CNTN3: variants seen among roughly 807,000 people sequenced by gnomAD.
The protein encoded by CNTN3 is contactin 3.
A neutral mutation model predicts 119.1 loss-of-function variants in CNTN3; 60 were observed. That is an observed-to-expected ratio of 0.50 (90% CI 0.41 to 0.62). The LOEUF is 0.62. Among genes scored for constraint, CNTN3 ranks in the 20% least tolerant of loss-of-function variants. CNTN3 has a pLI of 0.00. For synonymous variants in CNTN3, 450 were observed against 438.7 expected, an observed-to-expected ratio of 1.03 and a Z score of -0.32; for missense variants, 1,101 against 1,242.4, an observed-to-expected ratio of 0.89 and a Z score of 1.71.
chr3:74,443,854 GT>G (rs1559604554), intron 4 of CNTN3, among the ~76,000 whole-genome samples: 1 of 151,808 alleles, frequency 6.6e-6, no homozygotes, highest in Non-Finnish European at 1.5e-5. Flanking sequence ...TGGTGCATCA[GT>G]TTTCCAGGGC....
intron 3 of CNTN3, among the ~76,000 whole-genome samples, chr3:74,494,541 C>A (rs1703024555): frequency 6.6e-6 from 1 of 152,126 alleles, no homozygotes; most frequent in Non-Finnish European, 1.5e-5. Flanking sequence ...CCATCTTTGT[C>A]ACCTCAAGGC....
intron 5 of CNTN3, among the ~76,000 whole-genome samples, chr3:74,405,522 C>A (rs562292665): frequency 6.6e-6 from 1 of 152,094 alleles, no homozygotes; most frequent in Admixed American, 6.5e-5. Flanking sequence ...CAAATAAATT[C>A]ATTCTTCTAA....
In CNTN3 at chr3:74,478,392, T is replaced by C. The variant is rs572338121; in HGVS notation, c.358+8064A>G. Among the ~76,000 whole-genome samples the C allele has an allele frequency of 1.0e-3, 158 of 152,084 alleles. 1 individual carries two copies. Among genetic ancestry groups the C allele is most frequent in the African/African-American group, 3.6e-3 (150 of 41,494 alleles). ...ACACTAGAAGAGAAGAGGCTTATTCTCAAAAAAGGGTAAGGAGAGGCTGTC... is the reference window on the plus strand; with the variant it reads ...ACACTAGAAGAGAAGAGGCTTATTCCCAAAAAAGGGTAAGGAGAGGCTGTC... On this transcript the variant is annotated intron_variant, in intron 4 of 22. Transcript: ENST00000263665.
chr3:74,363,179 T>A (rs1051476823), intron 10 of CNTN3, among the ~76,000 whole-genome samples: 7 of 152,158 alleles, frequency 4.6e-5, no homozygotes, highest in African/African-American at 1.7e-4. Flanking sequence ...ATATGCTACT[T>A]CTCTGTCATG....
At chr3:74,422,785 T>C (rs1286370150) in intron 5 of CNTN3, among the ~76,000 whole-genome samples, 1 of 152,218 alleles carries the variant, frequency 6.6e-6, no homozygotes, top group East Asian at 1.9e-4. Flanking sequence ...TGATACTTCC[T>C]TCCTAGATGT....
intron 13 of CNTN3, among the ~76,000 whole-genome samples, chr3:74,325,671 A>T (rs1703110540): frequency 6.6e-6 from 1 of 152,196 alleles, no homozygotes; most frequent in South Asian, 2.1e-4. Flanking sequence ...AAAAGAGCTA[A>T]CTTCTGTTGT....
chr3:74,437,566 C>A (rs1401894540), intron 4 of CNTN3, among the ~76,000 whole-genome samples: 1 of 152,106 alleles, frequency 6.6e-6, no homozygotes, highest in Non-Finnish European at 1.5e-5. Flanking sequence ...AAAACTCTCC[C>A]TATTTGATTA....
chr3:74,450,170 A>C (rs1702122126), intron 4 of CNTN3, among the ~76,000 whole-genome samples: 3 of 152,142 alleles, frequency 2.0e-5, no homozygotes. Flanking sequence ...GTAGGAAAGA[A>C]TTTATATTCT....
At chr3:74,474,441 T>C (rs1702617696) in intron 4 of CNTN3, among the ~76,000 whole-genome samples, 1 of 152,108 alleles carries the variant, frequency 6.6e-6, no homozygotes, top group Admixed American at 6.6e-5. Flanking sequence ...CTGGGAAATA[T>C]AAATTTAGGA....
chr3:74,478,404 A>G (rs1702699508), intron 4 of CNTN3, among the ~76,000 whole-genome samples: 1 of 152,106 alleles, frequency 6.6e-6, no homozygotes, highest in African/African-American at 2.4e-5. Flanking sequence ...AAAAAAGGGT[A>G]AGGAGAGGCT....
At chr3:74,377,360 T>C (rs187815896) in intron 5 of CNTN3, among the ~76,000 whole-genome samples, 2 of 152,258 alleles carry the variant, frequency 1.3e-5, no homozygotes, top group African/African-American at 4.8e-5. Context: ...GATTTATGCA[T>C]TATGAATATA....
chr3:74,610,537 T>C (rs116623950), intron 1 of CNTN3, among the ~76,000 whole-genome samples: 4,229 of 152,174 alleles, frequency 0.028, 84 homozygotes, highest in Middle Eastern at 0.1. Context: ...AAAGGGACAG[T>C]AGTGTTTAAA....
intron 1 of CNTN3, among the ~76,000 whole-genome samples, chr3:74,608,179 T>C (rs550290586): frequency 7.9e-4 from 121 of 152,268 alleles, no homozygotes; most frequent in Non-Finnish European, 1.3e-3. Context: ...GGCTAAGGTA[T>C]CACCATTATT....
chr3:74,284,936 C>T (rs1702079807), intron 20 of CNTN3, among the ~76,000 whole-genome samples: 1 of 152,142 alleles, frequency 6.6e-6, no homozygotes, highest in African/African-American at 2.4e-5. Flanking sequence ...ACTCCTGATT[C>T]TTCGGCATTA....
At chr3:74,304,358 A>C (rs545075142) in intron 13 of CNTN3, among the ~76,000 whole-genome samples, 13 of 152,300 alleles carry the variant, frequency 8.5e-5, no homozygotes, top group African/African-American at 3.1e-4. Flanking sequence ...AAAACCTTTA[A>C]TGCTTGCTGA....
chr3:74,542,265 T>G (rs1197400945), intron 1 of CNTN3, among the ~76,000 whole-genome samples: 2 of 151,770 alleles, frequency 1.3e-5, no homozygotes, highest in East Asian at 3.9e-4. Context: ...TCTTCAGAGG[T>G]GAAAAGGGGC....
At chr3:74,466,297 G>A (rs1387322819) in intron 4 of CNTN3, among the ~76,000 whole-genome samples, 1 of 152,078 alleles carries the variant, frequency 6.6e-6, no homozygotes, top group Non-Finnish European at 1.5e-5. Context: ...CTTGCACACG[G>A]ACTCAGGGCC....
At chr3:74,412,669 A>C (rs527336663) in intron 5 of CNTN3, among the ~76,000 whole-genome samples, 2 of 152,294 alleles carry the variant, frequency 1.3e-5, no homozygotes, top group African/African-American at 4.8e-5. Context: ...GCACCTTCAA[A>C]CCATGTAGTG....
chr3:74,409,715 G>C (rs912742649), intron 5 of CNTN3, among the ~76,000 whole-genome samples: 1 of 151,934 alleles, frequency 6.6e-6, no homozygotes, highest in Non-Finnish European at 1.5e-5. Flanking sequence ...AGACTCACAG[G>C]TTATCTGTTT....
Sources: gnomAD v4.1 joint callset for allele counts (sites outside exome capture counted in the v4.1 genomes callset) on GRCh38, gnomAD v4.1.1 for gene constraint, MANE v1.5 for transcripts, NCBI Gene and HGNC (gene_info 2026-07-23, HGNC 2026-07-21) for gene names.